Variants in ERAP1 observed in about 807,000 individuals in gnomAD.
The protein encoded by ERAP1 is adipocyte-derived leucine aminopeptidase.
A neutral mutation model predicts 103.7 loss-of-function variants in ERAP1; 86 were observed. The ratio of observed to expected loss-of-function variants is 0.83; its 90% CI spans 0.70 to 0.99. ERAP1 has a LOEUF of 0.99. ERAP1 is among the 50% of genes least tolerant of loss of function. ERAP1 has a pLI of 0.00. For synonymous variants in ERAP1, 398 were observed against 402.4 expected (o/e 0.99, Z 0.13); for missense variants, 1,009 against 1,128.4 (o/e 0.89, Z 1.52).
the ERAP1 span, chr5:96,873,807 G>C: frequency 1.0e-5 from 2 of 194,730 alleles, no homozygotes; most frequent in Admixed American, 1.1e-4. Flanking sequence ...AGAGGGCAGA[G>C]TTGCTACTGC....
the ERAP1 span, among the ~76,000 whole-genome samples, chr5:96,912,964 T>C: frequency 6.6e-6 from 1 of 152,212 alleles, no homozygotes; most frequent in African/African-American, 2.4e-5. Flanking sequence ...ATGCAAATAG[T>C]GAAAACAGGT....
chr5:96,819,451 G>C, the ERAP1 span, among the ~76,000 whole-genome samples: 1 of 152,166 alleles, frequency 6.6e-6, no homozygotes, highest in Non-Finnish European at 1.5e-5. Context: ...ATTGCTGTGA[G>C]AGGAGGAAGG....
rs1561657180 is a variant in ERAP1, at chr5:96,776,047, C to CTGAT, written c.*345_*348dup. ...GACTATTCAGAGTCTTTCGAGGAGA[C>CTGAT]TGATGAAACAGTTTATGAATGATAA... On this transcript the variant is annotated 3_prime_UTR_variant, in exon 19 of 19. Coordinates refer to ENST00000443439, the MANE Select transcript of ERAP1 (RefSeq NM_001040458.3). The CTGAT allele has an allele frequency of 8.4e-6, 10 of 1,188,388 alleles. No homozygotes were observed. The South Asian group carries it at 1.7e-4, about 20-fold the overall frequency. The allele number at this position is 1,188,388 out of a possible 1,614,324, so 73.6% of individuals were successfully genotyped here.
the ERAP1 span, among the ~76,000 whole-genome samples, chr5:96,910,944 T>A: frequency 3.9e-5 from 6 of 152,242 alleles, no homozygotes; most frequent in Admixed American, 3.9e-4. Context: ...GCTTACAATG[T>A]GTTTGTTACC....
the ERAP1 span, among the ~76,000 whole-genome samples, chr5:96,916,383 A>G: frequency 6.6e-6 from 1 of 151,770 alleles, no homozygotes; most frequent in Non-Finnish European, 1.5e-5. Context: ...ACGATGCAAG[A>G]GTGATTATAT....
the ERAP1 span, among the ~76,000 whole-genome samples, chr5:96,910,634 T>C: frequency 0.54 from 82,393 of 152,000 alleles, 22,402 homozygotes; most frequent in Admixed American, 0.59. Flanking sequence ...TGCAGTAACC[T>C]ACCTACAGTA....
At chr5:96,843,766 G>A in the ERAP1 span, among the ~76,000 whole-genome samples, 2 of 152,110 alleles carry the variant, frequency 1.3e-5, no homozygotes, top group South Asian at 4.1e-4. Context: ...ACGGCCATTC[G>A]TTGTTCTAAA....
At chr5:96,863,841 C>G in the ERAP1 span, among the ~76,000 whole-genome samples, 1 of 134,412 alleles carries the variant, frequency 7.4e-6, no homozygotes, top group Non-Finnish European at 1.5e-5. Flanking sequence ...ATTTAGAAAT[C>G]TTATTTAAAA....
the ERAP1 span, among the ~76,000 whole-genome samples, chr5:96,882,897 C>G: frequency 3.0e-3 from 464 of 152,310 alleles, 7 homozygotes; most frequent in African/African-American, 9.9e-3. Context: ...TCTATTCCCC[C>G]CTCCTTTTCC....
the ERAP1 span, chr5:96,896,939 T>A: frequency 7.0e-7 from 1 of 1,422,324 alleles, no homozygotes; most frequent in Non-Finnish European, 9.4e-7. Flanking sequence ...TGTTTATAAA[T>A]AGCTATATAT....
chr5:96,932,257 G>A, the ERAP1 span, among the ~76,000 whole-genome samples: 4 of 152,182 alleles, frequency 2.6e-5, no homozygotes, highest in South Asian at 2.1e-4. Flanking sequence ...TTGCCCTGGC[G>A]GGAAGCAGCT....
Position 96,775,124 on chromosome 5 carries a change from T to TAA in ERAP1, c.*1270_*1271dup. 2.0e-6 allele frequency: 2 copies of TAA among 985,524 alleles called. No homozygotes were observed. The highest frequency in any genetic ancestry group is 3.5e-5 in the African/African-American group (2 of 57,362). The allele number at this position is 985,524 out of a possible 1,614,324, so 61.0% of individuals were successfully genotyped here. A position where few individuals can be genotyped will look rare whatever the true frequency, so the allele number is the denominator to read the frequency against. The stretch of plus-strand genomic sequence containing the variant: ...AGTTTTCAGAATAAGAAATAAAATC[T>TAA]AATTCTTAGGGTATTAACTGACTTG... On this transcript the variant is annotated 3_prime_UTR_variant, in exon 19 of 19. Coordinates refer to ENST00000443439, the MANE Select transcript of ERAP1 (RefSeq NM_001040458.3).
chr5:96,898,712 C>T, the ERAP1 span, among the ~76,000 whole-genome samples: 2 of 152,118 alleles, frequency 1.3e-5, no homozygotes. Flanking sequence ...GGACTCCAGC[C>T]TGGTGACAGA....
chr5:96,792,119 G>A lies in ERAP1; in HGVS notation c.1262C>T (p.Thr421Ile), dbSNP rs1776795992. 1.9e-6 allele frequency: 3 copies of A among 1,614,074 alleles called. No homozygotes were observed. The highest frequency in any genetic ancestry group is 1.7e-6 in the Non-Finnish European group (2 of 1,179,920). Residue 421 changes from threonine (T) to isoleucine (I), a missense_variant, in exon 8 of 19, where the codon ACA (threonine) becomes ATA (isoleucine). Physicochemically the swap from Thr to Ile is moderately conservative, Grantham distance 89 (BLOSUM62 -1). This residue lies in a region of ERAP1 where 611 missense variants were observed against 651.7 expected (regional missense o/e 0.94). Coordinates refer to ENST00000443439, the MANE Select transcript of ERAP1 (RefSeq NM_001040458.3). ...GATCTGAGCAGGATTTTCCACAGGT[G>A]TAGACACAGGGTGTGAGGAATTTAA... ...DALNSSHPVS[T>I]PVENPAQIRE... is the part of the protein sequence containing the mutation.
the ERAP1 span, among the ~76,000 whole-genome samples, chr5:96,840,808 C>T: frequency 1.1e-4 from 17 of 151,832 alleles, no homozygotes; most frequent in East Asian, 1.9e-4. Flanking sequence ...CGGGTTCAAG[C>T]GATTCTCCTG....
chr5:96,848,005 CA>C, the ERAP1 span, among the ~76,000 whole-genome samples: 44,791 of 148,844 alleles, frequency 0.3, 6,698 homozygotes, highest in East Asian at 0.33. Flanking sequence ...ACTAGAAAAA[CA>C]AAAAAAAAAT....
the ERAP1 span, among the ~76,000 whole-genome samples, chr5:96,828,358 T>G: frequency 6.6e-6 from 1 of 152,186 alleles, no homozygotes; most frequent in Non-Finnish European, 1.5e-5. Context: ...CTAGATTGAG[T>G]GTAAATAAAC....
At chr5:96,900,841 T>C in the ERAP1 span, among the ~76,000 whole-genome samples, 1 of 152,096 alleles carries the variant, frequency 6.6e-6, no homozygotes, top group Non-Finnish European at 1.5e-5. Context: ...CATGCCCGGC[T>C]AATTTTTTTG....
exon 20 of ERAP1, chr5:96,761,392 C>A (rs1302558880): frequency 6.6e-6 from 1 of 152,082 alleles, no homozygotes; most frequent in Non-Finnish European, 1.5e-5. Flanking sequence ...TCTAAAACGG[C>A]TTTACAGGGT....
Sources: allele counts gnomAD v4.1 joint callset (sites outside exome capture counted in the v4.1 genomes callset), GRCh38; gene constraint gnomAD v4.1.1; regional missense constraint gnomAD v4.1.1; transcripts MANE v1.5; gene names NCBI Gene and HGNC (gene_info 2026-07-23, HGNC 2026-07-21).